Variants in FIBCD1 observed in about 807,000 individuals in gnomAD.
FIBCD1 encodes the protein fibrinogen C domain-containing protein 1.
FIBCD1 carries 47 observed loss-of-function variants against 45.1 expected under a neutral mutation model. The observed-to-expected ratio is 1.04, with a 90% CI of 0.82 to 1.33. FIBCD1 has a LOEUF of 1.33. Among genes scored for constraint, FIBCD1 ranks in the 40% most tolerant of loss-of-function variants. The pLI is 0.00. For synonymous variants in FIBCD1, 313 were observed against 308.1 expected, an observed-to-expected ratio of 1.02 and a Z score of -0.17; for missense variants, 653 against 682.2, an observed-to-expected ratio of 0.96 and a Z score of 0.48.
chr9:130,924,086 GGAGAATGGACCGA>G (rs1832312900), intron 3 of FIBCD1, 138 bp downstream of exon 3: 7 of 1,275,642 alleles, frequency 5.5e-6, no homozygotes, highest in Non-Finnish European at 6.3e-6. Context: ...CTCCTCATCT[GGAGAATGGACCGA>G]GAGGGCTTCA....
At chr9:130,928,593 G>A (rs1234140669) in intron 2 of FIBCD1, among the ~76,000 whole-genome samples, 2 of 152,264 alleles carry the variant, frequency 1.3e-5, no homozygotes, top group Non-Finnish European at 2.9e-5. Context: ...GGGAGGGAAA[G>A]GGCCCATTGC....
At chr9:130,924,437 G>A (rs1429556755) in intron 2 of FIBCD1, 41 bp from the exon 3 acceptor site, 3 of 1,549,618 alleles carry the variant, frequency 1.9e-6, no homozygotes, top group Non-Finnish European at 1.7e-6. Context: ...CAGGGGCTCT[G>A]TTGGGGGTGG....
intron 4 of FIBCD1, among the ~76,000 whole-genome samples, chr9:130,919,211 C>T (rs897745500): frequency 1.3e-5 from 2 of 152,354 alleles, no homozygotes; most frequent in Admixed American, 6.5e-5. Flanking sequence ...CACGGAGGCA[C>T]GCTTTCTTTG....
chr9:130,906,819 G>C (rs1831936183), intron 5 of FIBCD1, among the ~76,000 whole-genome samples: 1 of 152,240 alleles, frequency 6.6e-6, no homozygotes, highest in Admixed American at 6.5e-5. Flanking sequence ...GAATTAGAGT[G>C]AGTCTAATTT....
intron 1 of FIBCD1, among the ~76,000 whole-genome samples, chr9:130,933,561 C>G (rs1403806994): frequency 2.0e-5 from 3 of 152,166 alleles, no homozygotes; most frequent in Non-Finnish European, 4.4e-5. Flanking sequence ...CAGTGCCCAC[C>G]CAGGGTTCAC....
rs897825563 is a variant in FIBCD1 at position 130,926,232 on chromosome 9, G to A, written c.553-1836C>T. On this transcript the variant is annotated intron_variant, in intron 2 of 6. Coordinates refer to ENST00000372338, the MANE Select transcript of FIBCD1 (RefSeq NM_032843.5). The surrounding 1 kb of genome is among the most constrained non-coding windows in gnomAD (Gnocchi z 4.1). ...ACTGCCCATTTATCTGAGTCAACAC[G>A]GCCACAACGCACTAAAAAAAACTCA... is the stretch of plus-strand genomic sequence containing the variant. Among the ~76,000 whole-genome samples, 7 of 152,164 alleles carry A rather than the reference G, an allele frequency of 4.6e-5. No individual in the cohort carries two copies. The highest frequency in any genetic ancestry group is 1.7e-4 in the African/African-American group (7 of 41,422).
chr9:130,932,921 G>C (rs1832463367), intron 1 of FIBCD1, among the ~76,000 whole-genome samples: 1 of 152,236 alleles, frequency 6.6e-6, no homozygotes. Flanking sequence ...GCTCAGGGCT[G>C]CATCATCAGA....
At chr9:130,924,545 C>T in intron 2 of FIBCD1, 149 bp from the exon 3 acceptor site, 1 of 772,478 alleles carries the variant, frequency 1.3e-6, no homozygotes, top group East Asian at 2.8e-5. Flanking sequence ...CCCCTTGGGT[C>T]CCTGTCCAAG....
At chr9:130,913,864 C>T (rs886182708) in intron 4 of FIBCD1, among the ~76,000 whole-genome samples, 8 of 152,168 alleles carry the variant, frequency 5.3e-5, no homozygotes, top group Non-Finnish European at 8.8e-5. Context: ...CATTGGCCGT[C>T]GGCTGGGCCT....
rs1217323794 is a variant in FIBCD1, at chr9:130,922,506, G to C, written c.849+1238C>G. Among the ~76,000 whole-genome samples the C allele has an allele frequency of 6.6e-6, 1 of 152,066 alleles. No homozygotes were observed. Among genetic ancestry groups the C allele is most frequent in the Non-Finnish European group, 1.5e-5 (1 of 68,016 alleles). On this transcript the variant is annotated intron_variant, in intron 4 of 6. Coordinates refer to ENST00000372338, the MANE Select transcript of FIBCD1 (RefSeq NM_032843.5). This position sits in a 1 kb window ranked among gnomAD's most constrained non-coding sequence, Gnocchi z 4.5. ...GTCACACAGCAGGACTCAGAGCCAT[G>C]CCTGGGGCAGCCTGTGGATGACAGG...
Position 130,903,844 on chromosome 9 carries a change from A to C in FIBCD1, c.*220T>G. 1.5e-6 allele frequency: 1 copy of C among 647,278 alleles called. No individual in the cohort carries two copies. Among genetic ancestry groups the C allele is most frequent in the Non-Finnish European group, 2.8e-6 (1 of 355,538 alleles). 40.1% of individuals were successfully genotyped at this position (647,278 alleles called of 1,614,324 possible). ...TTGCCAGCCCCCATCAGCAGAGGCAAGAGATCAGTGAGCTGCCAAATGGAG... is the reference window on the plus strand; with the variant it reads ...TTGCCAGCCCCCATCAGCAGAGGCACGAGATCAGTGAGCTGCCAAATGGAG... On this transcript the variant is annotated 3_prime_UTR_variant, in exon 7 of 7. Coordinates refer to ENST00000372338, the MANE Select transcript of FIBCD1 (RefSeq NM_032843.5).
Position 130,924,367 on chromosome 9 carries a change from A to C in FIBCD1, c.582T>G (p.Ala194=), listed in dbSNP as rs762141176. The change falls in exon 3 of 7, where the codon GCT becomes GCG. Residue 194 remains alanine (A), a synonymous_variant. Coordinates refer to ENST00000372338, the MANE Select transcript of FIBCD1 (RefSeq NM_032843.5). ...TGTCGCTGACGGAGTTCACCAGGTG[A>C]GCCATGTGGCCCTGGCTCTCAGAGA... ...QLLSESQGHM[A]HLVNSVSDIL... 1.2e-6 allele frequency: 2 copies of C among 1,609,610 alleles called. No homozygotes were observed. The highest frequency in any genetic ancestry group is 4.5e-5 in the East Asian group (2 of 44,768).
At chr9:130,919,842 A>G (rs1249019953) in intron 4 of FIBCD1, among the ~76,000 whole-genome samples, 1 of 152,190 alleles carries the variant, frequency 6.6e-6, no homozygotes, top group Non-Finnish European at 1.5e-5. Flanking sequence ...GCTGAAGGAC[A>G]TGTTGATCTG....
At chr9:130,917,396 T>G (rs1832183908) in intron 4 of FIBCD1, among the ~76,000 whole-genome samples, 1 of 152,200 alleles carries the variant, frequency 6.6e-6, no homozygotes, top group South Asian at 2.1e-4. Context: ...TGGGCCCACA[T>G]GGTCCTGCAG....
intron 4 of FIBCD1, among the ~76,000 whole-genome samples, chr9:130,915,973 C>T (rs1038845005): frequency 6.6e-6 from 1 of 152,204 alleles, no homozygotes; most frequent in African/African-American, 2.4e-5. Flanking sequence ...TACTCTGTCA[C>T]CCAGGCAGTG....
intron 4 of FIBCD1, among the ~76,000 whole-genome samples, chr9:130,914,799 C>G (rs1041423037): frequency 6.6e-6 from 1 of 152,238 alleles, no homozygotes; most frequent in Non-Finnish European, 1.5e-5. Context: ...TGCCCTGACT[C>G]TTCAGGATGT....
At chr9:130,907,967 A>C (rs1462578133) in intron 5 of FIBCD1, among the ~76,000 whole-genome samples, 1 of 151,870 alleles carries the variant, frequency 6.6e-6, no homozygotes, top group African/African-American at 2.4e-5. Flanking sequence ...AAAAAAAATA[A>C]AACTAGGAAG....
chr9:130,903,575 T>G lies in FIBCD1; in HGVS notation c.*489A>C. 37 of 178,696 alleles carry G rather than the reference T, an allele frequency of 2.1e-4. No homozygotes were observed. The highest frequency in any genetic ancestry group is 2.5e-3 in the Middle Eastern group (1 of 394). 11.1% of individuals were successfully genotyped at this position (178,696 alleles called of 1,614,324 possible). On this transcript the variant is annotated 3_prime_UTR_variant, in exon 7 of 7. Transcript: ENST00000372338. ...GGGCACCAGGGAAACGGGGTGGGGG[T>G]TGGCATTGGGAGGGCTGGAGGATAC...
intron 5 of FIBCD1, among the ~76,000 whole-genome samples, chr9:130,910,215 G>C (rs1832012158): frequency 6.8e-6 from 1 of 147,486 alleles, no homozygotes; most frequent in Non-Finnish European, 1.5e-5. Flanking sequence ...CACACTCAGA[G>C]CAGCCGACCA....
Sources: gnomAD v4.1 joint callset for allele counts (sites outside exome capture counted in the v4.1 genomes callset) on GRCh38, gnomAD v4.1.1 for gene constraint, Gnocchi (gnomAD v3.1) non-coding constraint, MANE v1.5 for transcripts, NCBI Gene and HGNC (gene_info 2026-07-23, HGNC 2026-07-21) for gene names.